DEF8: variants seen among roughly 807,000 people sequenced by gnomAD.
The protein encoded by DEF8 is differentially expressed in FDCP 8 homolog.
A neutral mutation model predicts 59.1 loss-of-function variants in DEF8; 38 were observed. That is an observed-to-expected ratio of 0.64 (90% CI 0.50 to 0.84). The LOEUF (loss-of-function observed/expected upper bound fraction) is 0.84, where lower values mean the gene tolerates loss of function less well. Among genes scored for constraint, DEF8 ranks in the 40% least tolerant of loss-of-function variants. The pLI is 0.00. For synonymous variants in DEF8, 265 were observed against 250.1 expected (o/e 1.06, Z -0.56); for missense variants, 557 against 615.2 (o/e 0.91, Z 1.00).
intron 6 of DEF8, 44 bp from the exon 7 acceptor site, chr16:89,960,887 C>T (rs772581135): frequency 1.4e-5 from 23 of 1,590,136 alleles, no homozygotes; most frequent in South Asian, 3.4e-5. Flanking sequence ...GGGCTGCAGG[C>T]GCACCCTTCC....
rs2034437103 is a variant in DEF8, at chr16:89,964,557, G to A, written c.1235G>A (p.Cys412Tyr). 3 of 1,576,088 alleles carry A rather than the reference G, an allele frequency of 1.9e-6. No individual in the cohort carries two copies. Among genetic ancestry groups the A allele is most frequent in the Non-Finnish European group, 1.7e-6 (2 of 1,162,378 alleles). The change falls in exon 12 of 13, where the codon TGC (cysteine) becomes TAC (tyrosine). Residue 412 changes from cysteine to tyrosine, a missense_variant. By Grantham distance (194) the Cys-to-Tyr change is radical. Coordinates refer to ENST00000563594, the MANE Select transcript of DEF8 (RefSeq NM_001242818.2). ...AGCCACACGTCTGTGTGCGCCGACT[G>A]CTCCGCGGTCTTCCACAGGTGGGTG... ...FDSHTSVCAD[C>Y]SAVFHRDCYY...
At chr16:89,949,701 C>T (rs2031618125) in intron 2 of DEF8, 188 bp downstream of exon 2, 4 of 1,424,854 alleles carry the variant, frequency 2.8e-6, no homozygotes, top group Non-Finnish European at 2.9e-6. Flanking sequence ...GGAACCCCGC[C>T]GGCTTTCTTC....
chr16:89,948,820 C>A lies in DEF8; in HGVS notation c.-108+6C>A. ...AGATGCGAGGCGGCGGTCAGGTGAG[C>A]GGCGCGGGGCCGGCGGGGTCGGGGC... On this transcript the variant is annotated splice_donor_region_variant and intron_variant, in intron 1 of 12. Transcript: ENST00000563594. 1.0e-6 allele frequency: 1 copy of A among 965,824 alleles called. No homozygotes were observed. The allele number at this position is 965,824 out of a possible 1,614,324, so 59.8% of individuals were successfully genotyped here.
Position 89,949,760 on chromosome 16 carries a change from G to A in DEF8, c.-11+247G>A, listed in dbSNP as rs1028576740. The A allele has an allele frequency of 5.3e-6, 5 of 947,034 alleles. No homozygotes were observed. The Admixed American group carries it at 1.4e-4, about 27-fold the overall frequency. 58.7% of individuals were successfully genotyped at this position (947,034 alleles called of 1,614,324 possible). On this transcript the variant is annotated intron_variant, in intron 2 of 12. Coordinates refer to ENST00000563594, the MANE Select transcript of DEF8 (RefSeq NM_001242818.2). ...TGGGGTCCTCCCCGATGAGAGCAGT[G>A]GGCTCTAGAGGAGGGGCAGGGGGTG...
At chr16:89,958,325 T>C in intron 5 of DEF8, 1 of 154,062 alleles carries the variant, frequency 6.5e-6, no homozygotes, top group South Asian at 2.0e-4. Context: ...GCGGGTGGGC[T>C]AAGTAAGTTC....
chr16:89,961,066 G>A lies in DEF8; in HGVS notation c.650G>A (p.Cys217Tyr). 2 of 1,613,126 alleles carry A rather than the reference G, an allele frequency of 1.2e-6. No homozygotes were observed. Among genetic ancestry groups the A allele is most frequent in the South Asian group, 1.1e-5 (1 of 91,078 alleles). Reference sequence around the variant, plus strand: ...GGGCTGGACAGCCAGGATTACCGCTGTGCCGAGTGCCGGGCGCCCATCTCT... The same window carrying A: ...GGGCTGGACAGCCAGGATTACCGCTATGCCGAGTGCCGGGCGCCCATCTCT... ...ETGLDSQDYR[C>Y]AECRAPISLR... Residue 217 changes from cysteine to tyrosine, a missense_variant, in exon 7 of 13, where the codon TGT (cysteine) becomes TAT (tyrosine). Transcript: ENST00000563594.
In DEF8 at chr16:89,955,200, G is replaced by A. The variant is rs776554219; in HGVS notation, c.156G>A (p.Pro52=). Residue 52 remains proline (P), a synonymous_variant, in exon 4 of 13, where the codon CCG becomes CCA. Transcript: ENST00000563594. ...EALPELPPGE[P]EFRCPERVMD... is the part of the protein sequence containing the mutation. ...TGCCTGAGCTGCCCCCTGGGGAGCC[G>A]GAATTCCGCTGCCCTGAACGCGTGA... 20 of 1,613,586 alleles carry A rather than the reference G, an allele frequency of 1.2e-5. No individual in the cohort carries two copies. Among genetic ancestry groups the A allele is most frequent in the African/African-American group, 1.1e-4 (8 of 74,894 alleles).
chr16:89,959,124 G>C lies in DEF8; in HGVS notation c.483G>C (p.Trp161Cys), dbSNP rs1027754097. The C allele has an allele frequency of 6.2e-7, 1 of 1,613,786 alleles. No homozygotes were observed. Residue 161 changes from tryptophan (W) to cysteine (C), a missense_variant, in exon 6 of 13, where the codon TGG (tryptophan) becomes TGC (cysteine). Trp to Cys is a radical substitution (Grantham distance 215). Transcript: ENST00000563594. ...GTGACAAGTGTAACACCATCATCTG[G>C]GGGCTCATTCAGACCTGGTACACCT... Reference protein sequence around the residue: ...QTCDKCNTIIWGLIQTWYTCT... With the variant: ...QTCDKCNTIICGLIQTWYTCT...
intron 11 of DEF8, 51 bp downstream of exon 11, chr16:89,964,361 GA>G: frequency 1.3e-6 from 2 of 1,547,164 alleles, no homozygotes; most frequent in Admixed American, 1.9e-5. Context: ...CCTGAGGGGG[GA>G]TTGGCAGGAG....
chr16:89,956,864 A>G (rs79029793), intron 4 of DEF8: 18,335 of 152,186 alleles, frequency 0.12, 1,302 homozygotes, highest in Middle Eastern at 0.24. Context: ...GCTGAGCTGC[A>G]AGGGGGAGGG....
intron 9 of DEF8, among the ~76,000 whole-genome samples, chr16:89,962,604 C>T (rs774910610): frequency 2.6e-5 from 4 of 152,004 alleles, no homozygotes; most frequent in Non-Finnish European, 5.9e-5. Context: ...TGCTGTGAGC[C>T]GAGATCGCGT....
intron 9 of DEF8, 59 bp from the exon 10 acceptor site, chr16:89,963,304 C>T (rs1312970986): frequency 1.8e-5 from 27 of 1,510,418 alleles, no homozygotes; most frequent in Non-Finnish European, 2.1e-5. Flanking sequence ...GTGCGGCCCA[C>T]ACAGGGGCCG....
chr16:89,955,362 C>A, intron 4 of DEF8, 96 bp downstream of exon 4: 1 of 1,025,266 alleles, frequency 9.8e-7, no homozygotes, highest in Non-Finnish European at 1.5e-6. Flanking sequence ...GGTGGCAGGG[C>A]AGTGTCCTGT....
intron 9 of DEF8, 77 bp downstream of exon 9, chr16:89,962,202 C>T: frequency 7.7e-7 from 1 of 1,294,286 alleles, no homozygotes; most frequent in South Asian, 1.2e-5. Flanking sequence ...GTACCCTCTT[C>T]TCCTCTGGGC....
intron 5 of DEF8, 74 bp downstream of exon 5, chr16:89,957,734 C>G: frequency 6.9e-7 from 1 of 1,444,004 alleles, no homozygotes; most frequent in Non-Finnish European, 9.2e-7. Flanking sequence ...AGGACCCTGC[C>G]AGCCTCTGGC....
intron 2 of DEF8, chr16:89,952,583 G>A (rs2032371600): frequency 6.6e-6 from 1 of 152,308 alleles, no homozygotes. Flanking sequence ...ATGTTGGGAT[G>A]GCCTGATTTC....
At chr16:89,955,368 C>G (rs1040954178) in intron 4 of DEF8, 102 bp downstream of exon 4, 37 of 949,844 alleles carry the variant, frequency 3.9e-5, no homozygotes, top group Non-Finnish European at 6.0e-5. Context: ...AGGGCAGTGT[C>G]CTGTGAGCTG....
rs762539364 is a variant in DEF8 at position 89,965,778 on chromosome 16, G to A, written c.1254-83G>A. The A allele has an allele frequency of 6.7e-4, 571 of 846,470 alleles. 1 individual carries two copies. Among genetic ancestry groups the A allele is most frequent in the Non-Finnish European group, 9.9e-4 (527 of 533,556 alleles). The allele number at this position is 846,470 out of a possible 1,614,324, so 52.4% of individuals were successfully genotyped here. A position where few individuals can be genotyped will look rare whatever the true frequency, so the allele number is the denominator to read the frequency against. ...CTTTGGTAACGGCTGTAGAGGGGATGATAGGAGCTGACCTAGGACGCTTGG... is the reference window on the plus strand; with the variant it reads ...CTTTGGTAACGGCTGTAGAGGGGATAATAGGAGCTGACCTAGGACGCTTGG... On this transcript the variant is annotated intron_variant, in intron 12 of 12. Coordinates refer to ENST00000563594, the MANE Select transcript of DEF8 (RefSeq NM_001242818.2).
At chr16:89,965,354 T>C (rs1597539680) in intron 12 of DEF8, among the ~76,000 whole-genome samples, 1 of 152,192 alleles carries the variant, frequency 6.6e-6, no homozygotes, top group East Asian at 1.9e-4. Context: ...AAATCCCAGC[T>C]CTACAGAGCG....
Sources: allele counts gnomAD v4.1 joint callset (sites outside exome capture counted in the v4.1 genomes callset), GRCh38; gene constraint gnomAD v4.1.1; transcripts MANE v1.5; gene names NCBI Gene and HGNC (gene_info 2026-07-23, HGNC 2026-07-21).